Variants in SP140L observed in about 807,000 individuals in gnomAD.
The protein encoded by SP140L is nuclear body protein SP140-like protein.
A neutral mutation model predicts 84.3 loss-of-function variants in SP140L; 64 were observed. The ratio of observed to expected loss-of-function variants is 0.76; its 90% confidence interval spans 0.62 to 0.94. SP140L has a LOEUF of 0.94. Among genes scored for constraint, SP140L ranks in the 40% least tolerant of loss-of-function variants. The pLI is 0.00. For missense variants in SP140L, 628 were observed against 692.5 expected, an observed-to-expected ratio of 0.91 and a Z score of 1.05; for synonymous variants, 242 against 236.9, an observed-to-expected ratio of 1.02 and a Z score of -0.20.
intron 13 of SP140L, among the ~76,000 whole-genome samples, chr2:230,394,317 A>G (rs991081810): frequency 9.9e-5 from 15 of 152,232 alleles, no homozygotes; most frequent in Non-Finnish European, 1.6e-4. Flanking sequence ...TGAGGAGGGG[A>G]AAGAGAAAAA....
rs2060597966 is a variant in SP140L at position 230,357,909 on chromosome 2, C to T, written c.212C>T (p.Thr71Ile). 2 of 1,613,912 alleles carry T rather than the reference C, an allele frequency of 1.2e-6. No homozygotes were observed. Among genetic ancestry groups the T allele is most frequent in the Admixed American group, 1.7e-5 (1 of 59,994 alleles). Residue 71 changes from threonine to isoleucine, a missense_variant, in exon 3 of 19, where the codon ACA becomes ATA. Physicochemically the swap from Thr to Ile is moderately conservative, Grantham distance 89 (BLOSUM62 -1). Transcript: ENST00000415673. ...GAGATATCAAATGCAATAAAAAAGA[C>T]ATTTCCATTCCTTGAGGGCCTCCGC... ...KLEISNAIKK[T>I]FPFLEGLRDR...
At chr2:230,366,701 G>T (rs979787307) in intron 5 of SP140L, among the ~76,000 whole-genome samples, 1 of 88,232 alleles carries the variant, frequency 1.1e-5, no homozygotes, top group Admixed American at 1.5e-4. Context: ...TTGTTTTGTG[G>T]ATTATTATCT....
chr2:230,390,371 T>A lies in SP140L; in HGVS notation c.964+348T>A, dbSNP rs76062694. On this transcript the variant is annotated intron_variant, in intron 11 of 18. Coordinates refer to ENST00000415673, the MANE Select transcript of SP140L (RefSeq NM_138402.6). ...ATTCTCTCTCCCTTCTGGAGTGCTG[T>A]CACCAAGGCAGGGTGCTTGGCTTGG... 1.1e-3 allele frequency among the ~76,000 whole-genome samples: 161 copies of A among 152,324 alleles called. 1 individual carries two copies. The highest frequency in any genetic ancestry group is 3.7e-3 in the African/African-American group (154 of 41,572).
chr2:230,369,066 G>A (rs189453029), intron 5 of SP140L, among the ~76,000 whole-genome samples: 1 of 152,350 alleles, frequency 6.6e-6, no homozygotes, highest in Admixed American at 6.5e-5. Flanking sequence ...ATTTAAGGAA[G>A]TAAGGACTTA....
chr2:230,365,159 T>C (rs1490270484), intron 5 of SP140L, among the ~76,000 whole-genome samples: 2 of 152,128 alleles, frequency 1.3e-5, no homozygotes, highest in East Asian at 1.9e-4. Flanking sequence ...CAGGGTAATG[T>C]TGGCTTCATA....
chr2:230,368,599 C>G (rs1330307921), intron 5 of SP140L, among the ~76,000 whole-genome samples: 1 of 152,142 alleles, frequency 6.6e-6, no homozygotes, highest in Non-Finnish European at 1.5e-5. Flanking sequence ...AACATTTGCT[C>G]TTTTCACAGT....
intron 7 of SP140L, among the ~76,000 whole-genome samples, chr2:230,378,037 TC>T (rs1412309915): frequency 2.0e-5 from 3 of 152,182 alleles, no homozygotes; most frequent in African/African-American, 7.2e-5. Flanking sequence ...ATGTGGATAC[TC>T]AATCATTCCA....
intron 2 of SP140L, among the ~76,000 whole-genome samples, chr2:230,344,476 C>T (rs986691013): frequency 2.6e-5 from 4 of 152,118 alleles, no homozygotes; most frequent in Non-Finnish European, 2.9e-5. Context: ...ATCCAGTTTG[C>T]CATTCTGTGG....
intron 13 of SP140L, among the ~76,000 whole-genome samples, chr2:230,395,137 T>A (rs1445954151): frequency 1.3e-5 from 2 of 152,158 alleles, no homozygotes; most frequent in African/African-American, 4.8e-5. Context: ...CCTGGCTAAT[T>A]ATTTGTATTT....
chr2:230,390,036 G>C lies in SP140L; in HGVS notation c.964+13G>C. ...AAATTGGAACAAGGTGGGTTTCATA[G>C]TCTTCTTTAATTTGCAGCTCCTATC... On this transcript the variant is annotated intron_variant, in intron 11 of 18. Coordinates refer to ENST00000415673, the MANE Select transcript of SP140L (RefSeq NM_138402.6). The C allele has an allele frequency of 6.2e-7, 1 of 1,604,958 alleles. No homozygotes were observed. The highest frequency in any genetic ancestry group is 8.5e-7 in the Non-Finnish European group (1 of 1,174,022).
At chr2:230,368,473 G>C (rs9653271) in intron 5 of SP140L, among the ~76,000 whole-genome samples, 13,640 of 151,982 alleles carry the variant, frequency 0.09, 1,061 homozygotes, top group African/African-American at 0.2. Flanking sequence ...TTGACCTTCT[G>C]GTACCTGAAG....
intron 15 of SP140L, 100 bp from the exon 16 acceptor site, chr2:230,400,855 G>A: frequency 6.4e-7 from 1 of 1,553,414 alleles, no homozygotes; most frequent in Non-Finnish European, 8.8e-7. Context: ...TCCCATGACT[G>A]AGCCCATCAG....
At chr2:230,399,153 A>G (rs987040831) in intron 14 of SP140L, among the ~76,000 whole-genome samples, 1 of 152,164 alleles carries the variant, frequency 6.6e-6, no homozygotes, top group Non-Finnish European at 1.5e-5. Flanking sequence ...ATACACTTGC[A>G]TTTGTCTACA....
chr2:230,381,101 G>A (rs575030480), intron 7 of SP140L, among the ~76,000 whole-genome samples: 175 of 151,126 alleles, frequency 1.2e-3, no homozygotes, highest in African/African-American at 4.0e-3. Flanking sequence ...GTGTGCTGCA[G>A]TGGAGGAATG....
chr2:230,379,586 T>A (rs2061345642), intron 7 of SP140L, among the ~76,000 whole-genome samples: 1 of 152,210 alleles, frequency 6.6e-6, no homozygotes, highest in South Asian at 2.1e-4. Flanking sequence ...ACCATTGTTC[T>A]TTTTCTTTGG....
At chr2:230,333,799 T>G (rs2059792609) in intron 2 of SP140L, among the ~76,000 whole-genome samples, 2 of 152,068 alleles carry the variant, frequency 1.3e-5, no homozygotes, top group Admixed American at 1.3e-4. Flanking sequence ...TTCTTTTGAA[T>G]CTACCTTCTA....
At chr2:230,354,848 GGAAAGAAAGAAAGAAAGAAAGAAAGAAA>G (rs61603133) in intron 2 of SP140L, among the ~76,000 whole-genome samples, 52 of 108,886 alleles carry the variant, frequency 4.8e-4, no homozygotes, top group African/African-American at 1.7e-3. Context: ...AAGAAAGAAA[GGAAAGAAAGAAAGAAAGAAAGAAAGAAA>G]GAAAGAAAGA....
At chr2:230,379,741 T>A (rs2061348949) in intron 7 of SP140L, among the ~76,000 whole-genome samples, 1 of 152,198 alleles carries the variant, frequency 6.6e-6, no homozygotes, top group Admixed American at 6.5e-5. Context: ...TAGGTTGATA[T>A]TTATTTATTC....
chr2:230,384,293 C>T (rs1251590038), intron 8 of SP140L, among the ~76,000 whole-genome samples: 1 of 152,164 alleles, frequency 6.6e-6, no homozygotes, highest in East Asian at 1.9e-4. Flanking sequence ...AGACAGCCAT[C>T]CTCATCTGTG....
Sources: gnomAD v4.1 joint callset for allele counts (sites outside exome capture counted in the v4.1 genomes callset) on GRCh38, gnomAD v4.1.1 for gene constraint, MANE v1.5 for transcripts, NCBI Gene and HGNC (gene_info 2026-07-23, HGNC 2026-07-21) for gene names.